Variants in TRDN observed in about 807,000 individuals in gnomAD.
The protein encoded by TRDN is triadin, also known as triadin in skeletal muscle.
In TRDN, 161 loss-of-function variants were observed where a neutral mutation model predicts 149.7. The observed-to-expected ratio is 1.08, with a 90% confidence interval of 0.95 to 1.23. The LOEUF (loss-of-function observed/expected upper bound fraction) is 1.23, where lower values mean the gene tolerates loss of function less well. TRDN is among the 50% of genes most tolerant of loss of function. The pLI, the probability that TRDN is intolerant of heterozygous loss-of-function variation, is 0.00. For missense variants in TRDN, 896 were observed against 823.5 expected (o/e 1.09, Z -1.08); for synonymous variants, 294 against 250.5 (o/e 1.17, Z -1.64).
intron 1 of TRDN, among the ~76,000 whole-genome samples, chr6:123,616,593 C>T (rs78817098): frequency 0.021 from 3,153 of 152,168 alleles, 119 homozygotes; most frequent in East Asian, 0.17. Context: ...TTTCTTACCA[C>T]TTACAATTTT....
chr6:123,274,028 C>T (rs1258903713), intron 27 of TRDN, among the ~76,000 whole-genome samples: 1 of 152,024 alleles, frequency 6.6e-6, no homozygotes, highest in South Asian at 2.1e-4. Context: ...AGACACGGGG[C>T]AGACCCCTAG....
rs886061033 is a variant in TRDN, at chr6:123,439,009, G to T, written c.932-6C>A. The T allele has an allele frequency of 2.1e-5, 33 of 1,543,488 alleles. No homozygotes were observed. The highest frequency in any genetic ancestry group is 2.9e-5 in the Non-Finnish European group (33 of 1,142,398). On this transcript the variant is annotated splice_polypyrimidine_tract_variant and splice_region_variant and intron_variant, in intron 10 of 40. Transcript: ENST00000334268. Reference sequence around the variant, plus strand: ...CTTCTTTTCCCCTTCTTTTTCTAGAGAATACATTTAAAATATTTCCTTTAG... The same window carrying T: ...CTTCTTTTCCCCTTCTTTTTCTAGATAATACATTTAAAATATTTCCTTTAG...
Position 123,530,067 on chromosome 6 carries a change from A to C in TRDN, c.484+439T>G, listed in dbSNP as rs186530627. Among the ~76,000 whole-genome samples, 304 of 152,054 alleles carry C rather than the reference A, an allele frequency of 2.0e-3. 1 individual carries two copies. Among genetic ancestry groups the C allele is most frequent in the Middle Eastern group, 6.8e-3 (2 of 294 alleles). On this transcript the variant is annotated intron_variant, in intron 5 of 40. Transcript: ENST00000334268. Reference sequence around the variant, plus strand: ...CAGGAGAGCCGTGGGGCTTTCTTACATGACCTCTGCCATGAGGTCATATAA... The same window carrying C: ...CAGGAGAGCCGTGGGGCTTTCTTACCTGACCTCTGCCATGAGGTCATATAA...
At chr6:123,538,609 T>C (rs1780671260) in intron 4 of TRDN, among the ~76,000 whole-genome samples, 3 of 152,128 alleles carry the variant, frequency 2.0e-5, no homozygotes. Flanking sequence ...GATAAGAAGA[T>C]ATTAAGAACA....
chr6:123,504,766 A>G (rs937692248), intron 7 of TRDN, among the ~76,000 whole-genome samples: 4 of 152,224 alleles, frequency 2.6e-5, no homozygotes, highest in Admixed American at 2.6e-4. Flanking sequence ...CATCTTTTAA[A>G]AAGCAGTAAT....
At chr6:123,351,421 T>A (rs1271167950) in intron 21 of TRDN, 1 of 984,820 alleles carries the variant, frequency 1.0e-6, no homozygotes, top group East Asian at 1.1e-4. Context: ...TCCCACTTTA[T>A]ATTTCAGAAA....
At chr6:123,367,771 A>T (rs2114364754) in intron 19 of TRDN, among the ~76,000 whole-genome samples, 2 of 152,256 alleles carry the variant, frequency 1.3e-5, no homozygotes, top group East Asian at 3.9e-4. Context: ...TGCATTTCTA[A>T]CCAGTTCCCA....
chr6:123,477,636 A>C (rs1174858527), intron 9 of TRDN, among the ~76,000 whole-genome samples: 1 of 152,070 alleles, frequency 6.6e-6, no homozygotes, highest in South Asian at 2.1e-4. Context: ...CATTATTCAC[A>C]GTAGCAAAGA....
At chr6:123,244,546 A>C (rs530543466) in intron 38 of TRDN, among the ~76,000 whole-genome samples, 1 of 152,216 alleles carries the variant, frequency 6.6e-6, no homozygotes, top group African/African-American at 2.4e-5. Context: ...GATTAGAGAA[A>C]AAAAGAATAA....
chr6:123,469,507 A>AG (rs1777029357), intron 9 of TRDN: 2 of 152,328 alleles, frequency 1.3e-5, no homozygotes, highest in Admixed American at 1.3e-4. Flanking sequence ...AATAATCTGA[A>AG]GAAGTTCAGG....
chr6:123,417,192 C>G (rs987331492), intron 12 of TRDN, among the ~76,000 whole-genome samples: 1 of 152,174 alleles, frequency 6.6e-6, no homozygotes, highest in Admixed American at 6.5e-5. Flanking sequence ...TTATATCTGT[C>G]TCATAAAATT....
At chr6:123,435,965 A>G (rs1262607126) in intron 12 of TRDN, among the ~76,000 whole-genome samples, 1 of 151,998 alleles carries the variant, frequency 6.6e-6, no homozygotes, top group Non-Finnish European at 1.5e-5. Flanking sequence ...ATTTCCCTCA[A>G]AAAGCTAAAA....
chr6:123,438,062 C>A lies in TRDN; in HGVS notation c.1051+1G>T, dbSNP rs535908547. The A allele has an allele frequency of 3.8e-6, 6 of 1,596,318 alleles. No individual in the cohort carries two copies. The African/African-American group carries it at 8.1e-5, about 22-fold the overall frequency. ...CTAAGGAAACAAAGAAAGTGCAATACCTTTTTTTTCCACATCAATGGCAGT... is the reference window on the plus strand; with the variant it reads ...CTAAGGAAACAAAGAAAGTGCAATAACTTTTTTTTCCACATCAATGGCAGT... On this transcript the variant is annotated splice_donor_variant, in intron 12 of 40. Transcript: ENST00000334268. LOFTEE classifies it high-confidence loss of function.
At chr6:123,583,238 A>C (rs1783225647) in intron 1 of TRDN, among the ~76,000 whole-genome samples, 1 of 152,140 alleles carries the variant, frequency 6.6e-6, no homozygotes, top group Non-Finnish European at 1.5e-5. Flanking sequence ...ATAGCAGGGC[A>C]TGTATGAGTA....
At position 123,570,921 on chromosome 6, in the gene TRDN, A is replaced by G. The variant is rs1554258777; in HGVS notation, c.232+2T>C. 3 of 1,613,026 alleles carry G rather than the reference A, an allele frequency of 1.9e-6. No homozygotes were observed. The highest frequency in any genetic ancestry group is 1.7e-6 in the Non-Finnish European group (2 of 1,179,126). ...TTTAAAGCCAAATTTTATGGAACTT[A>G]CCTGAAAAGTTTTTGTAATCCACTA... is the stretch of plus-strand genomic sequence containing the variant. On this transcript the variant is annotated splice_donor_variant, in intron 2 of 40. Coordinates refer to ENST00000334268, the MANE Select transcript of TRDN (RefSeq NM_006073.4). LOFTEE classifies it high-confidence loss of function.
chr6:123,362,475 A>G (rs1356070658), intron 20 of TRDN, among the ~76,000 whole-genome samples: 6 of 152,130 alleles, frequency 3.9e-5, no homozygotes, highest in Non-Finnish European at 8.8e-5. Flanking sequence ...AATGGTCTTG[A>G]GATAATTACT....
intron 13 of TRDN, among the ~76,000 whole-genome samples, chr6:123,391,643 GAA>G (rs1167973822): frequency 5.3e-5 from 8 of 151,772 alleles, no homozygotes; most frequent in African/African-American, 1.9e-4. Context: ...AAATTCCAAA[GAA>G]TATATGCTAA....
intron 22 of TRDN, among the ~76,000 whole-genome samples, chr6:123,332,524 T>C (rs1779699108): frequency 6.6e-6 from 1 of 152,044 alleles, no homozygotes; most frequent in South Asian, 2.1e-4. Flanking sequence ...TCTACCACCT[T>C]CCAAACACAT....
intron 38 of TRDN, among the ~76,000 whole-genome samples, chr6:123,228,020 G>C (rs1775451706): frequency 9.9e-6 from 1 of 101,496 alleles, no homozygotes; most frequent in African/African-American, 2.8e-5. Flanking sequence ...GCCAGCCACT[G>C]TTCTAAACAT....
Sources: gnomAD v4.1 joint callset for allele counts (sites outside exome capture counted in the v4.1 genomes callset) on GRCh38, gnomAD v4.1.1 for gene constraint, MANE v1.5 for transcripts, NCBI Gene and HGNC (gene_info 2026-07-23, HGNC 2026-07-21) for gene names.